The following SOCS6 variants were observed in gnomAD, a reference collection of about 807,000 sequenced individuals.
The protein encoded by SOCS6 is suppressor of cytokine signaling 6, also known as STAT induced STAT inhibitor-4.
SOCS6 carries 5 observed loss-of-function variants against 27.7 expected under a neutral mutation model. The observed-to-expected ratio is 0.18, with a 90% CI of 0.09 to 0.38. The LOEUF is 0.38. SOCS6 is among the 10% of genes least tolerant of loss of function. The probability of loss-of-function intolerance (pLI) is 1.00; values close to 1 mark genes in which losing one functional copy is unlikely to be tolerated. For missense variants in SOCS6, 595 were observed against 688.1 expected, an observed-to-expected ratio of 0.86 and a Z score of 1.51; for synonymous variants, 271 against 260.0, an observed-to-expected ratio of 1.04 and a Z score of -0.41.
At chr18:70,317,177 G>A (rs975826356) in intron 1 of SOCS6, among the ~76,000 whole-genome samples, 5 of 152,174 alleles carry the variant, frequency 3.3e-5, no homozygotes, top group African/African-American at 1.2e-4. Context: ...ATTGTACCGA[G>A]TGTGTAGTCT....
intron 1 of SOCS6, among the ~76,000 whole-genome samples, chr18:70,322,087 G>T (rs1911014266): frequency 6.6e-6 from 1 of 152,086 alleles, no homozygotes; most frequent in African/African-American, 2.4e-5. Flanking sequence ...TACCCATATG[G>T]ATAAAGTTTA....
At position 70,325,761 on chromosome 18, in the gene SOCS6, G is replaced by C. The variant is rs747184140; in HGVS notation, c.1093G>C (p.Gly365Arg). 1 of 1,614,176 alleles carries C rather than the reference G, an allele frequency of 6.2e-7. No homozygotes were observed. The highest frequency in any genetic ancestry group is 1.7e-5 in the Admixed American group (1 of 60,020). Residue 365 changes from glycine (G) to arginine (R), a missense_variant, in exon 2 of 2, where the codon GGT (glycine) becomes CGT (arginine). Transcript: ENST00000397942. The surrounding 1 kb of genome is among the most constrained non-coding windows in gnomAD (Gnocchi z 6.3). ...ARVYDSVQSS[G>R]PMVVTSLTEE... ...AGTTTATGACTCAGTGCAAAGTAGTGGTCCCATGGTTGTGACAAGCCTTAC... is the reference window on the plus strand; with the variant it reads ...AGTTTATGACTCAGTGCAAAGTAGTCGTCCCATGGTTGTGACAAGCCTTAC...
At position 70,324,837 on chromosome 18, in the gene SOCS6, A is replaced by G; in HGVS notation, c.169A>G (p.Asn57Asp). ...TAAAGATATGGCCAGCTGCGATATC[A>G]ACGGTGAAGATGAAAAAGGCGGAAA... is the stretch of plus-strand genomic sequence containing the variant. ...YGKDMASCDI[N>D]GEDEKGGKNR... Residue 57 changes from asparagine (N) to aspartate (D), a missense_variant, in exon 2 of 2, where the codon AAC becomes GAC. Around this residue, in one of 2 missense-constraint regions of SOCS6, gnomAD observed 467 missense variants for 481.1 expected, o/e 0.97. Coordinates refer to ENST00000397942, the MANE Select transcript of SOCS6 (RefSeq NM_004232.4). 1 of 1,614,214 alleles carries G rather than the reference A, an allele frequency of 6.2e-7. No individual in the cohort carries two copies. Among genetic ancestry groups the G allele is most frequent in the Middle Eastern group, 1.6e-4 (1 of 6,062 alleles).
intron 1 of SOCS6, among the ~76,000 whole-genome samples, chr18:70,313,610 CTCA>C (rs2062399164): frequency 1.3e-5 from 2 of 152,182 alleles, no homozygotes; most frequent in African/African-American, 4.8e-5. Context: ...CTCCCACCTA[CTCA>C]TCATCATTCA....
At chr18:70,309,060 T>C (rs1325855341) in intron 1 of SOCS6, among the ~76,000 whole-genome samples, 1 of 152,200 alleles carries the variant, frequency 6.6e-6, no homozygotes, top group East Asian at 1.9e-4. Context: ...AAGGGTCAGA[T>C]TGTAAATGTG....
intron 1 of SOCS6, among the ~76,000 whole-genome samples, chr18:70,321,998 A>G (rs1161453940): frequency 6.6e-6 from 1 of 152,168 alleles, no homozygotes; most frequent in African/African-American, 2.4e-5. Flanking sequence ...TTTTTTCATT[A>G]TGTGTTATGA....
chr18:70,306,492 AAAAAAAAG>A (rs934169927), intron 1 of SOCS6, among the ~76,000 whole-genome samples: 1 of 151,628 alleles, frequency 6.6e-6, no homozygotes, highest in Non-Finnish European at 1.5e-5. Flanking sequence ...AAAAAAAAAA[AAAAAAAAG>A]AAAGAAAGCC....
intron 1 of SOCS6, among the ~76,000 whole-genome samples, chr18:70,311,632 A>G (rs928266230): frequency 1.3e-5 from 2 of 152,194 alleles, no homozygotes; most frequent in South Asian, 4.1e-4. Flanking sequence ...TTTACTGTTC[A>G]CTAGAGATGT....
chr18:70,320,258 G>A (rs1474769089), intron 1 of SOCS6, among the ~76,000 whole-genome samples: 3 of 152,024 alleles, frequency 2.0e-5, no homozygotes, highest in Admixed American at 2.0e-4. Context: ...CAGAGTGCTG[G>A]GATTATAGGC....
intron 1 of SOCS6, among the ~76,000 whole-genome samples, chr18:70,316,505 A>C (rs2062411999): frequency 6.6e-6 from 1 of 152,092 alleles, no homozygotes; most frequent in Non-Finnish European, 1.5e-5. Context: ...GAGACATTTT[A>C]ATGCTGTTCC....
chr18:70,289,499 C>T (rs2062288627), intron 1 of SOCS6, among the ~76,000 whole-genome samples: 1 of 147,010 alleles, frequency 6.8e-6, no homozygotes, highest in Non-Finnish European at 1.5e-5. Flanking sequence ...CGCAGCTCGC[C>T]GGGGAGAGGC....
At position 70,329,110 on chromosome 18, in the gene SOCS6, A is replaced by G. The variant is rs904994202; in HGVS notation, c.*2834A>G. On this transcript the variant is annotated 3_prime_UTR_variant, in exon 2 of 2. Coordinates refer to ENST00000397942, the MANE Select transcript of SOCS6 (RefSeq NM_004232.4). ...AAGCTATTTTTAGGCTTACTATAACACTATTATGCATTTTTATAAATAAGA... is the reference window on the plus strand; with the variant it reads ...AAGCTATTTTTAGGCTTACTATAACGCTATTATGCATTTTTATAAATAAGA... The G allele has an allele frequency of 6.0e-6, 1 of 167,068 alleles. No individual in the cohort carries two copies. The highest frequency in any genetic ancestry group is 2.4e-5 in the African/African-American group (1 of 41,452). The allele number at this position is 167,068 out of a possible 1,614,324, so 10.3% of individuals were successfully genotyped here. A position where few individuals can be genotyped will look rare whatever the true frequency, so the allele number is the denominator to read the frequency against.
At chr18:70,320,986 A>G (rs1215013826) in intron 1 of SOCS6, among the ~76,000 whole-genome samples, 2 of 152,200 alleles carry the variant, frequency 1.3e-5, no homozygotes, top group Admixed American at 1.3e-4. Context: ...TAAAATAAAT[A>G]TAAAATTAGG....
chr18:70,326,111 A>G lies in SOCS6; in HGVS notation c.1443A>G (p.Ala481=), dbSNP rs763473139. 1 of 1,614,206 alleles carries G rather than the reference A, an allele frequency of 6.2e-7. No individual in the cohort carries two copies. The highest frequency in any genetic ancestry group is 1.7e-5 in the Admixed American group (1 of 60,030). The change falls in exon 2 of 2, where the codon GCA becomes GCG. Residue 481 remains alanine (A), a synonymous_variant. Coordinates refer to ENST00000397942, the MANE Select transcript of SOCS6 (RefSeq NM_004232.4). The stretch of plus-strand genomic sequence containing the variant: ...CAAGGTCTCGGCTGCCTGGATCTGC[A>G]ACTTACCCCGTCAGACTGACCAACC... The part of the protein sequence containing the change: ...CYSRSRLPGS[A]TYPVRLTNPV...
rs1243647691 is a variant in SOCS6 at position 70,325,048 on chromosome 18, T to C, written c.380T>C (p.Leu127Pro). The C allele has an allele frequency of 6.2e-7, 1 of 1,614,118 alleles. No individual in the cohort carries two copies. Among genetic ancestry groups the C allele is most frequent in the Admixed American group, 1.7e-5 (1 of 60,020 alleles). Residue 127 changes from leucine to proline, a missense_variant, in exon 2 of 2, where the codon CTC becomes CCC. By Grantham distance (98) the Leu-to-Pro change is moderately conservative. Around this residue, in one of 2 missense-constraint regions of SOCS6, gnomAD observed 467 missense variants for 481.1 expected, o/e 0.97. Transcript: ENST00000397942. This position sits in a 1 kb window ranked among gnomAD's most constrained non-coding sequence, Gnocchi z 6.3. ...RAQRPIRSTS[L>P]RSHHYSPAPW... ...CAGAGGCCGATAAGGTCCACGTCGC[T>C]CCGCAGCCATCACTACAGTCCCGCG...
intron 1 of SOCS6, among the ~76,000 whole-genome samples, chr18:70,300,094 A>T (rs2062341598): frequency 6.6e-6 from 1 of 152,140 alleles, no homozygotes; most frequent in African/African-American, 2.4e-5. Flanking sequence ...GAACTAAAAA[A>T]TTAAGGAGAG....
chr18:70,309,505 CTT>C (rs1297601764), intron 1 of SOCS6, among the ~76,000 whole-genome samples: 4 of 152,096 alleles, frequency 2.6e-5, no homozygotes, highest in African/African-American at 9.7e-5. Context: ...TAATTCCTCT[CTT>C]GACGTTTTAT....
chr18:70,324,403 A>G, intron 1 of SOCS6, 140 bp from the exon 2 acceptor site: 1 of 291,828 alleles, frequency 3.4e-6, no homozygotes, highest in Non-Finnish European at 6.3e-6. Flanking sequence ...CAATAGAAAG[A>G]AAGCCCGGTC....
chr18:70,324,505 T>G, intron 1 of SOCS6, 38 bp from the exon 2 acceptor site: 1 of 543,304 alleles, frequency 1.8e-6, no homozygotes, highest in Non-Finnish European at 3.1e-6. Flanking sequence ...TGTGGAAATA[T>G]TTTTTAATAT....
Sources: gnomAD v4.1 joint callset for allele counts (sites outside exome capture counted in the v4.1 genomes callset) on GRCh38, gnomAD v4.1.1 for gene constraint, gnomAD v4.1.1 regional missense constraint, Gnocchi (gnomAD v3.1) non-coding constraint, MANE v1.5 for transcripts, NCBI Gene and HGNC (gene_info 2026-07-23, HGNC 2026-07-21) for gene names.